NDST4: variants seen among roughly 807,000 people sequenced by gnomAD.
The protein encoded by NDST4 is N-heparan sulfate sulfotransferase 4.
Under a neutral mutation model 100.8 loss-of-function variants are expected in NDST4, and 63 were observed. The observed-to-expected ratio is 0.62, with a 90% confidence interval of 0.51 to 0.77. The LOEUF is 0.77. Among genes scored for constraint, NDST4 ranks in the 30% least tolerant of loss-of-function variants. The pLI, the probability that NDST4 is intolerant of heterozygous loss-of-function variation, is 0.00. For synonymous variants in NDST4, 377 were observed against 361.8 expected, an observed-to-expected ratio of 1.04 and a Z score of -0.48; for missense variants, 943 against 1,018.4, an observed-to-expected ratio of 0.93 and a Z score of 1.01.
At chr4:114,847,205 T>C (rs1171282942) in intron 9 of NDST4, among the ~76,000 whole-genome samples, 2 of 136,040 alleles carry the variant, frequency 1.5e-5, no homozygotes, top group Admixed American at 1.4e-4. Context: ...TGAAACCCCG[T>C]CTCTACTGAA....
intron 2 of NDST4, among the ~76,000 whole-genome samples, chr4:115,052,216 C>A (rs766483037): frequency 1.2e-4 from 18 of 152,160 alleles, no homozygotes; most frequent in Middle Eastern, 6.8e-3. Context: ...TTTCTTTCAT[C>A]GGAATTTCTT....
Position 114,860,021 on chromosome 4 carries a change from C to A in NDST4, c.1720-7200G>T, listed in dbSNP as rs1415008808. On this transcript the variant is annotated intron_variant, in intron 7 of 13. Coordinates refer to ENST00000264363, the MANE Select transcript of NDST4 (RefSeq NM_022569.3). ...ATTTCTATCCCTGCTCTCATTGGAA[C>A]AAGGCTGAAGTACAATCTAAAGGGA... 2.6e-5 allele frequency among the ~76,000 whole-genome samples: 4 copies of A among 152,142 alleles called. No homozygotes were observed. In the East Asian group the frequency reaches 5.8e-4, roughly 22 times the overall value.
intron 3 of NDST4, among the ~76,000 whole-genome samples, chr4:114,974,208 C>T (rs1301215878): frequency 6.6e-6 from 1 of 151,736 alleles, no homozygotes; most frequent in East Asian, 1.9e-4. Flanking sequence ...ATGTCAGAAT[C>T]TGGATTTGAA....
chr4:114,897,426 TTAA>T (rs1724739572), intron 6 of NDST4, among the ~76,000 whole-genome samples: 1 of 152,208 alleles, frequency 6.6e-6, no homozygotes, highest in Non-Finnish European at 1.5e-5. Context: ...TTTTTGGCAC[TTAA>T]TAATATTTTA....
intron 2 of NDST4, among the ~76,000 whole-genome samples, chr4:115,066,593 T>C (rs980024129): frequency 3.3e-5 from 5 of 152,170 alleles, no homozygotes; most frequent in African/African-American, 1.2e-4. Flanking sequence ...ACTAAAACAA[T>C]TTAATTGACA....
At chr4:114,863,484 C>T (rs987810131) in intron 7 of NDST4, among the ~76,000 whole-genome samples, 1 of 152,240 alleles carries the variant, frequency 6.6e-6, no homozygotes, top group Admixed American at 6.5e-5. Context: ...TTTAATTGCA[C>T]TTTCTTACTT....
At chr4:114,924,383 T>C (rs908226255) in intron 6 of NDST4, among the ~76,000 whole-genome samples, 1 of 150,266 alleles carries the variant, frequency 6.7e-6, no homozygotes, top group African/African-American at 2.5e-5. Context: ...CTTACAGAAG[T>C]GGTGATTCAT....
At chr4:114,851,831 A>C (rs950905704) in intron 8 of NDST4, among the ~76,000 whole-genome samples, 11 of 152,288 alleles carry the variant, frequency 7.2e-5, no homozygotes, top group African/African-American at 2.4e-4. Flanking sequence ...TTCAACAACC[A>C]ATATTTAATA....
chr4:114,857,132 G>A (rs1267051669), intron 7 of NDST4, among the ~76,000 whole-genome samples: 1 of 152,166 alleles, frequency 6.6e-6, no homozygotes, highest in African/African-American at 2.4e-5. Flanking sequence ...ATGCCTTGTG[G>A]AATATCTGGC....
At chr4:114,850,501 T>C (rs1723652917) in intron 8 of NDST4, among the ~76,000 whole-genome samples, 1 of 152,120 alleles carries the variant, frequency 6.6e-6, no homozygotes, top group Non-Finnish European at 1.5e-5. Flanking sequence ...ATTTTAAAAA[T>C]TATCACCTAA....
chr4:114,894,059 T>A (rs1000835412), intron 6 of NDST4, among the ~76,000 whole-genome samples: 1 of 152,054 alleles, frequency 6.6e-6, no homozygotes, highest in Non-Finnish European at 1.5e-5. Flanking sequence ...AGATGAGTAG[T>A]GTTATTTATG....
intron 4 of NDST4, among the ~76,000 whole-genome samples, chr4:114,964,750 C>T (rs1027595598): frequency 1.3e-5 from 2 of 152,032 alleles, no homozygotes; most frequent in Non-Finnish European, 2.9e-5. Context: ...ATTATTAAAT[C>T]GTCTTTTCTC....
rs945114389 is a variant in NDST4 at position 114,993,545 on chromosome 4, A to T, written c.979-16271T>A. 7.2e-5 allele frequency among the ~76,000 whole-genome samples: 11 copies of T among 151,922 alleles called. 1 individual carries two copies. The highest frequency in any genetic ancestry group is 5.3e-4 in the Admixed American group (8 of 15,218). ...CATATATTCTGTTGCCTTTACACCT[A>T]TTTTTGTTGGAGAATATATGTTTTC... On this transcript the variant is annotated intron_variant, in intron 2 of 13. Transcript: ENST00000264363.
intron 2 of NDST4, among the ~76,000 whole-genome samples, chr4:115,029,185 A>G (rs1728053479): frequency 6.6e-6 from 1 of 152,122 alleles, no homozygotes; most frequent in African/African-American, 2.4e-5. Flanking sequence ...AGAAGAAAAG[A>G]ACAGCTGCAA....
At chr4:114,956,748 C>G (rs1726150137) in intron 4 of NDST4, among the ~76,000 whole-genome samples, 1 of 147,922 alleles carries the variant, frequency 6.8e-6, no homozygotes, top group South Asian at 2.3e-4. Flanking sequence ...CTGCACACTT[C>G]AAGTGAAAGA....
At chr4:114,912,188 G>A (rs1291299565) in intron 6 of NDST4, among the ~76,000 whole-genome samples, 2 of 152,072 alleles carry the variant, frequency 1.3e-5, no homozygotes, top group Admixed American at 6.6e-5. Context: ...CATAGACATG[G>A]CACTATCAAT....
chr4:114,999,423 T>C (rs2126255167), intron 2 of NDST4, among the ~76,000 whole-genome samples: 1 of 152,224 alleles, frequency 6.6e-6, no homozygotes, highest in Middle Eastern at 3.4e-3. Flanking sequence ...ATAATTGAGA[T>C]GCTACATAGT....
intron 6 of NDST4, among the ~76,000 whole-genome samples, chr4:114,888,994 G>T (rs145443163): frequency 8.5e-4 from 128 of 151,260 alleles, no homozygotes; most frequent in African/African-American, 3.0e-3. Context: ...CTACCTCCAG[G>T]TTCTCATCCA....
At chr4:114,961,970 A>G (rs1188239080) in intron 4 of NDST4, among the ~76,000 whole-genome samples, 1 of 152,116 alleles carries the variant, frequency 6.6e-6, no homozygotes, top group Non-Finnish European at 1.5e-5. Context: ...TCAATAATAT[A>G]CAAAACTGAT....
Sources: gnomAD v4.1 joint callset for allele counts (sites outside exome capture counted in the v4.1 genomes callset) on GRCh38, gnomAD v4.1.1 for gene constraint, MANE v1.5 for transcripts, NCBI Gene and HGNC (gene_info 2026-07-23, HGNC 2026-07-21) for gene names.